The following BCAR3 variants were observed in gnomAD, a reference collection of about 807,000 sequenced individuals.
BCAR3 encodes breast cancer anti-estrogen resistance protein 3.
BCAR3 carries 37 observed loss-of-function variants against 80.1 expected under a neutral mutation model. That is an observed-to-expected ratio of 0.46 (90% CI 0.36 to 0.61). BCAR3 has a LOEUF of 0.61. Ranked by LOEUF, BCAR3 falls within the 20% of genes least tolerant of loss-of-function variation. BCAR3 has a pLI of 0.00. For synonymous variants in BCAR3, 389 were observed against 418.9 expected (o/e 0.93, Z 0.87); for missense variants, 978 against 1,068.2 (o/e 0.92, Z 1.18).
chr1:93,836,292 C>A (rs937129149), intron 2 of BCAR3, among the ~76,000 whole-genome samples: 2 of 152,142 alleles, frequency 1.3e-5, no homozygotes, highest in African/African-American at 4.8e-5. Flanking sequence ...ACTTGCCAAC[C>A]AAACAAGTAA....
At chr1:93,655,930 G>T (rs138902883) in intron 2 of BCAR3, among the ~76,000 whole-genome samples, 57 of 152,354 alleles carry the variant, frequency 3.7e-4, no homozygotes, top group African/African-American at 1.3e-3. Flanking sequence ...CACTAGTTAA[G>T]AATGCATTTT....
At chr1:93,802,896 A>G (rs577406382) in intron 2 of BCAR3, among the ~76,000 whole-genome samples, 1 of 152,166 alleles carries the variant, frequency 6.6e-6, no homozygotes, top group Non-Finnish European at 1.5e-5. Context: ...TTGTGCACAT[A>G]AAGAGACTCC....
chr1:93,636,686 C>T (rs1212685184), intron 3 of BCAR3, among the ~76,000 whole-genome samples: 2 of 152,032 alleles, frequency 1.3e-5, no homozygotes, highest in African/African-American at 2.4e-5. Flanking sequence ...AAAGAAAAAT[C>T]ACCCAGCCCT....
intron 2 of BCAR3, among the ~76,000 whole-genome samples, chr1:93,807,637 C>T (rs984335079): frequency 6.6e-6 from 1 of 152,172 alleles, no homozygotes; most frequent in South Asian, 2.1e-4. Flanking sequence ...GTGGTGATGA[C>T]TCCCTGTTTC....
intron 2 of BCAR3, among the ~76,000 whole-genome samples, chr1:93,665,503 CA>C (rs1439669177): frequency 6.6e-6 from 1 of 152,136 alleles, no homozygotes; most frequent in Non-Finnish European, 1.5e-5. Flanking sequence ...CTCCCTGGAA[CA>C]AACTGTGCTG....
At chr1:93,626,487 G>C (rs1445877733) in intron 3 of BCAR3, among the ~76,000 whole-genome samples, 2 of 152,166 alleles carry the variant, frequency 1.3e-5, no homozygotes, top group Admixed American at 6.6e-5. Context: ...CTGGGGGTCT[G>C]AGAGGTCAAA....
intron 2 of BCAR3, among the ~76,000 whole-genome samples, chr1:93,732,805 C>G (rs536872872): frequency 6.6e-6 from 1 of 152,286 alleles, no homozygotes; most frequent in East Asian, 1.9e-4. Flanking sequence ...GAGATCTCCC[C>G]TCCTCTCAAC....
chr1:93,745,118 C>T (rs529696865), intron 2 of BCAR3, among the ~76,000 whole-genome samples: 2 of 152,328 alleles, frequency 1.3e-5, no homozygotes, highest in Non-Finnish European at 2.9e-5. Context: ...CAGACTCTTT[C>T]AAAGAGTCAG....
intron 2 of BCAR3, among the ~76,000 whole-genome samples, chr1:93,724,164 G>C (rs909314913): frequency 1.3e-5 from 2 of 152,172 alleles, no homozygotes; most frequent in African/African-American, 4.8e-5. Context: ...AACAAGGGGA[G>C]CCACAGAGGG....
intron 2 of BCAR3, among the ~76,000 whole-genome samples, chr1:93,838,847 T>C (rs1654860900): frequency 6.6e-6 from 1 of 152,156 alleles, no homozygotes; most frequent in Non-Finnish European, 1.5e-5. Flanking sequence ...ACAGAATGGA[T>C]CATTTCAAGG....
At chr1:93,762,629 A>G (rs369360161) in intron 2 of BCAR3, among the ~76,000 whole-genome samples, 189 of 152,224 alleles carry the variant, frequency 1.2e-3, no homozygotes, top group Middle Eastern at 3.4e-3. Context: ...CTTCACCCCG[A>G]ACCCAATCAT....
chr1:93,829,892 T>C (rs568154797), intron 2 of BCAR3, among the ~76,000 whole-genome samples: 1 of 152,302 alleles, frequency 6.6e-6, no homozygotes, highest in East Asian at 1.9e-4. Flanking sequence ...GACTGGATCA[T>C]GGGGGTGGAA....
At chr1:93,818,393 C>A (rs1654090961) in intron 2 of BCAR3, among the ~76,000 whole-genome samples, 1 of 152,176 alleles carries the variant, frequency 6.6e-6, no homozygotes, top group East Asian at 1.9e-4. Context: ...GGCTAAATAC[C>A]TTGGTCTATG....
At chr1:93,675,925 C>CAAAAAAAA (rs58706715) in intron 1 of BCAR3, among the ~76,000 whole-genome samples, 2,152 of 51,394 alleles carry the variant, frequency 0.042, 145 homozygotes, top group Non-Finnish European at 0.07. Context: ...AAATAGGAGA[C>CAAAAAAAA]AAAAAAAAAA....
At position 93,589,305 on chromosome 1, in the gene BCAR3, T is replaced by G. The variant is rs1370058718; in HGVS notation, c.601A>C (p.Ile201Leu). ...CTGAGTCGCAGAACTGTCCGGTTGA[T>G]TTTGAAGTGCTGAGCGAGGTTCTTC... ...QWKNLAQHFK[I>L]NRTVLRLSEA... Residue 201 changes from isoleucine to leucine, a missense_variant, in exon 5 of 12, where the codon ATC becomes CTC. Physicochemically the swap from Ile to Leu is conservative, Grantham distance 5. Transcript: ENST00000260502. 1 of 1,614,130 alleles carries G rather than the reference T, an allele frequency of 6.2e-7. No homozygotes were observed. The highest frequency in any genetic ancestry group is 1.1e-5 in the South Asian group (1 of 91,082).
intron 2 of BCAR3, among the ~76,000 whole-genome samples, chr1:93,756,904 G>A (rs1651766777): frequency 6.6e-6 from 1 of 152,204 alleles, no homozygotes; most frequent in Non-Finnish European, 1.5e-5. Flanking sequence ...CCAAATGTGG[G>A]GGTGCCTGGC....
intron 8 of BCAR3, among the ~76,000 whole-genome samples, chr1:93,574,919 A>G (rs990979735): frequency 6.6e-6 from 1 of 152,196 alleles, no homozygotes; most frequent in South Asian, 2.1e-4. Flanking sequence ...CATGGCTGCA[A>G]TTCAGCATTC....
Position 93,777,411 on chromosome 1 carries a change from CTCT to C in BCAR3, c.-63+68153_-63+68155del, listed in dbSNP as rs562680652. Among the ~76,000 whole-genome samples the C allele has an allele frequency of 5.5e-3, 706 of 127,826 alleles. 16 individuals carry two copies. The highest frequency in any genetic ancestry group is 0.02 in the African/African-American group (595 of 29,072). 83.9% of individuals were successfully genotyped at this position (127,826 alleles called of 152,430 possible). Reference sequence around the variant, plus strand: ...CTTCCTCTTCTTCCTCTTCCTCCTCCTCTTCCTCCTCCTCTTCCTCCTCCTCCT... The same window carrying C: ...CTTCCTCTTCTTCCTCTTCCTCCTCCTCCTCCTCCTCTTCCTCCTCCTCCT... On this transcript the variant is annotated intron_variant, in intron 2 of 13. Coordinates refer to the BCAR3 transcript ENST00000370244.
At position 93,592,792 on chromosome 1, in the gene BCAR3, C is replaced by G. The variant is rs1468077346; in HGVS notation, c.358-399G>C. Among the ~76,000 whole-genome samples the G allele has an allele frequency of 6.6e-6, 1 of 152,206 alleles. No homozygotes were observed. The highest frequency in any genetic ancestry group is 2.1e-4 in the South Asian group (1 of 4,830). ...GGGAGGGCAGCTGTTCCCTTCTGGC[C>G]TTAGATCCTGGGCCTCTGGGCAGTG... On this transcript the variant is annotated intron_variant, in intron 3 of 11. Transcript: ENST00000260502. This position sits in a 1 kb window ranked among gnomAD's most constrained non-coding sequence, Gnocchi z 4.8.
Sources: gnomAD v4.1 joint callset for allele counts (sites outside exome capture counted in the v4.1 genomes callset) on GRCh38, gnomAD v4.1.1 for gene constraint, Gnocchi (gnomAD v3.1) non-coding constraint, MANE v1.5 for transcripts, NCBI Gene and HGNC (gene_info 2026-07-23, HGNC 2026-07-21) for gene names.